Variants in PXDN observed in about 807,000 individuals in gnomAD.
PXDN encodes the protein peroxidasin.
PXDN carries 77 observed loss-of-function variants against 140.3 expected under a neutral mutation model. The ratio of observed to expected loss-of-function variants is 0.55; its 90% confidence interval spans 0.46 to 0.66. The LOEUF is 0.66. PXDN is among the 30% of genes least tolerant of loss of function. PXDN has a pLI of 0.00. For missense variants in PXDN, 1,838 were observed against 2,039.5 expected (o/e 0.90, Z 1.90); for synonymous variants, 911 against 857.4 (o/e 1.06, Z -1.09).
chr2:1,733,615 G>A (rs567511669), intron 1 of PXDN, among the ~76,000 whole-genome samples: 18 of 152,020 alleles, frequency 1.2e-4, no homozygotes, highest in African/African-American at 3.6e-4. Flanking sequence ...GGCGGTGCGC[G>A]CCTGTAATCC....
Position 1,639,712 on chromosome 2 carries a change from G to A in PXDN, c.3953-290C>T, listed in dbSNP as rs907090695. Among the ~76,000 whole-genome samples the A allele has an allele frequency of 4.6e-5, 7 of 152,158 alleles. No homozygotes were observed. Among genetic ancestry groups the A allele is most frequent in the Admixed American group, 3.9e-4 (6 of 15,280 alleles). ...CCACGCCATCTAACCACACCCTCGC[G>A]GAGTTCCCTCCACCCACAGATGGAG... On this transcript the variant is annotated intron_variant, in intron 19 of 22. Coordinates refer to ENST00000252804, the MANE Select transcript of PXDN (RefSeq NM_012293.3). The surrounding 1 kb of genome is among the most constrained non-coding windows in gnomAD (Gnocchi z 5.0).
intron 9 of PXDN, among the ~76,000 whole-genome samples, chr2:1,671,449 A>C (rs919813967): frequency 6.6e-6 from 1 of 152,120 alleles, no homozygotes; most frequent in Non-Finnish European, 1.5e-5. Flanking sequence ...TATATTAAAC[A>C]TCTCAAATAT....
chr2:1,734,626 TG>T (rs1685389018), intron 1 of PXDN, among the ~76,000 whole-genome samples: 1 of 152,168 alleles, frequency 6.6e-6, no homozygotes, highest in South Asian at 2.1e-4. Context: ...CCCAGCACTT[TG>T]GGAGGCCAAG....
rs1306570930 is a variant in PXDN, at chr2:1,660,243, A to T, written c.1837+638T>A. ...CATCATGGGGTCTGTGGGTTGAGAA[A>T]GAGGGGCCAGAGTGACCCGGGCCTC... is the stretch of plus-strand genomic sequence containing the variant. On this transcript the variant is annotated intron_variant, in intron 14 of 22. Transcript: ENST00000252804. The surrounding 1 kb of genome is among the most constrained non-coding windows in gnomAD (Gnocchi z 4.6). 1.3e-5 allele frequency among the ~76,000 whole-genome samples: 2 copies of T among 152,162 alleles called. No homozygotes were observed. Among genetic ancestry groups the T allele is most frequent in the African/African-American group, 4.8e-5 (2 of 41,442 alleles).
At chr2:1,719,164 G>C (rs912069880) in intron 1 of PXDN, among the ~76,000 whole-genome samples, 3 of 152,208 alleles carry the variant, frequency 2.0e-5, no homozygotes, top group African/African-American at 7.2e-5. Context: ...TTACTCGGAA[G>C]GGGGCTTGCT....
Position 1,744,276 on chromosome 2 carries a change from C to T in PXDN, c.180G>A (p.Val60=). The change falls in exon 1 of 23, where the codon GTG becomes GTA. Residue 60 remains valine, a synonymous_variant. Transcript: ENST00000252804. ...CTCACAGGATGGAGGTCTGCGGCGC[C>T]ACGGCGGGCACGGCCTCCAGCAGCA... The part of the protein sequence containing the change: ...MHLLLEAVPA[V]APQTSILDLR... 1 of 1,519,348 alleles carries T rather than the reference C, an allele frequency of 6.6e-7. No individual in the cohort carries two copies. The highest frequency in any genetic ancestry group is 1.4e-5 in the African/African-American group (1 of 70,858). 94.1% of individuals were successfully genotyped at this position (1,519,348 alleles called of 1,614,324 possible). A position where few individuals can be genotyped will look rare whatever the true frequency, so the allele number is the denominator to read the frequency against.
intron 14 of PXDN, among the ~76,000 whole-genome samples, chr2:1,659,222 A>G (rs1683247446): frequency 6.6e-6 from 1 of 152,256 alleles, no homozygotes. Flanking sequence ...CAGACATCAC[A>G]GGCATGTGGA....
At chr2:1,686,469 C>T (rs189130771) in intron 4 of PXDN, among the ~76,000 whole-genome samples, 183 of 152,290 alleles carry the variant, frequency 1.2e-3, no homozygotes, top group Admixed American at 8.9e-3. Context: ...TGGACTCACC[C>T]AGCACAAAGC....
chr2:1,722,972 T>TGGATGCACGCATCA (rs1558527193), intron 1 of PXDN, among the ~76,000 whole-genome samples: 1 of 152,218 alleles, frequency 6.6e-6, no homozygotes, highest in Admixed American at 6.5e-5. Flanking sequence ...TGTGGATGGA[T>TGGATGCACGCATCA]GGATGCACGC....
At chr2:1,700,854 G>A (rs955998049) in intron 1 of PXDN, among the ~76,000 whole-genome samples, 12 of 151,502 alleles carry the variant, frequency 7.9e-5, no homozygotes, top group East Asian at 2.1e-4. Flanking sequence ...CAGTCTGGGC[G>A]ACACAGCGAG....
chr2:1,665,212 A>T (rs574490620), intron 10 of PXDN, 138 bp from the exon 11 acceptor site: 2 of 681,768 alleles, frequency 2.9e-6, no homozygotes, highest in East Asian at 5.5e-5. Context: ...AGAAAGAGGC[A>T]GAGGGCACAG....
chr2:1,682,383 T>C (rs957133767), intron 6 of PXDN, among the ~76,000 whole-genome samples: 4 of 152,252 alleles, frequency 2.6e-5, no homozygotes, highest in African/African-American at 9.6e-5. Context: ...TGAAGGTCTA[T>C]GTTTTACTCC....
rs769712122 is a variant in PXDN, at chr2:1,649,473, G to A, written c.2307C>T (p.Ser769=). Reference sequence around the variant, plus strand: ...GGGTGTTGAAGCCATTCTCGTACACGGATTTCAGCAGGCGCTCGAAGGCGG... The same window carrying A: ...GGGTGTTGAAGCCATTCTCGTACACAGATTTCAGCAGGCGCTCGAAGGCGG... The part of the protein sequence containing the change: ...SLTAFERLLK[S]VYENGFNTPR... Residue 769 remains serine (S), a synonymous_variant, in exon 17 of 23, where the codon TCC becomes TCT. Coordinates refer to ENST00000252804, the MANE Select transcript of PXDN (RefSeq NM_012293.3). The surrounding 1 kb of genome is among the most constrained non-coding windows in gnomAD (Gnocchi z 7.1). The A allele has an allele frequency of 2.5e-6, 4 of 1,614,018 alleles. No homozygotes were observed. The highest frequency in any genetic ancestry group is 1.3e-5 in the African/African-American group (1 of 75,058).
intron 22 of PXDN, among the ~76,000 whole-genome samples, chr2:1,635,115 G>A (rs1682514812): frequency 6.6e-6 from 1 of 150,622 alleles, no homozygotes; most frequent in Non-Finnish European, 1.5e-5. Flanking sequence ...CAGCTGGTGG[G>A]AGGTGAAGCC....
At chr2:1,686,846 G>A (rs148209757) in intron 4 of PXDN, among the ~76,000 whole-genome samples, 51 of 152,328 alleles carry the variant, frequency 3.3e-4, no homozygotes, top group African/African-American at 1.1e-3. Flanking sequence ...CCAGTGACCC[G>A]TGACCACGGA....
chr2:1,673,755 C>T lies in PXDN; in HGVS notation c.906G>A (p.Leu302=), dbSNP rs2125434358. 1.2e-6 allele frequency: 2 copies of T among 1,614,034 alleles called. No homozygotes were observed. The highest frequency in any genetic ancestry group is 3.3e-5 in the Admixed American group (2 of 60,026). ...CTGTCTCCTGTGTGTTCTGGATCAT[C>T]AGGGTCCCATCGTCCAGCAAGTTTA... ...SRLNLLDDGT[L]MIQNTQETDQ... Residue 302 remains leucine, a synonymous_variant, in exon 9 of 23, where the codon CTG becomes CTA. Transcript: ENST00000252804.
At chr2:1,653,089 T>C (rs1210369008) in intron 16 of PXDN, 1 of 210,012 alleles carries the variant, frequency 4.8e-6, no homozygotes, top group Non-Finnish European at 9.8e-6. Context: ...TGTAAAGGCA[T>C]CTGTTATTTA....
At chr2:1,712,763 T>C (rs1345334136) in intron 1 of PXDN, among the ~76,000 whole-genome samples, 3 of 152,170 alleles carry the variant, frequency 2.0e-5, no homozygotes, top group Non-Finnish European at 4.4e-5. Flanking sequence ...TTGCTCTTGT[T>C]GCCCAGGCTG....
Position 1,680,176 on chromosome 2 carries a change from C to G in PXDN, c.730+17G>C. ...GGTGTGAGTGTGTGGATGGTGTGTG[C>G]GTGTCGGGCCACTCACCACAGTTCA... is the stretch of plus-strand genomic sequence containing the variant. On this transcript the variant is annotated intron_variant, in intron 7 of 22. Transcript: ENST00000252804. The G allele has an allele frequency of 6.5e-7, 1 of 1,528,714 alleles. No individual in the cohort carries two copies. The highest frequency in any genetic ancestry group is 8.8e-7 in the Non-Finnish European group (1 of 1,133,478). The allele number at this position is 1,528,714 out of a possible 1,614,324, so 94.7% of individuals were successfully genotyped here. A position where few individuals can be genotyped will look rare whatever the true frequency, so the allele number is the denominator to read the frequency against.
Sources: allele counts gnomAD v4.1 joint callset (sites outside exome capture counted in the v4.1 genomes callset), GRCh38; gene constraint gnomAD v4.1.1; non-coding constraint Gnocchi (gnomAD v3.1); transcripts MANE v1.5; gene names NCBI Gene and HGNC (gene_info 2026-07-23, HGNC 2026-07-21).